INPP5A: variants seen among roughly 807,000 people sequenced by gnomAD.
The protein encoded by INPP5A is inositol polyphosphate-5-phosphatase A.
In INPP5A, 14 loss-of-function variants were observed where a neutral mutation model predicts 65.2. The ratio of observed to expected loss-of-function variants is 0.21; its 90% CI spans 0.14 to 0.34. INPP5A has a LOEUF of 0.34. INPP5A is among the 10% of genes least tolerant of loss of function. INPP5A has a pLI of 1.00. For synonymous variants in INPP5A, 207 were observed against 208.3 expected (o/e 0.99, Z 0.05); for missense variants, 431 against 545.6 (o/e 0.79, Z 2.09).
At chr10:132,739,840 T>C (rs1229410360) in intron 9 of INPP5A, among the ~76,000 whole-genome samples, 1 of 152,214 alleles carries the variant, frequency 6.6e-6, no homozygotes. Context: ...AGGCGTCTTC[T>C]AGGGTCTGAG....
At position 132,704,522 on chromosome 10, in the gene INPP5A, G is replaced by A. The variant is rs558598483; in HGVS notation, c.475-3791G>A. ...TGCGCAGAGCCACCCCTCGCAGCCC[G>A]CCGGCAACATGGGCTCTGTCCTCCC... On this transcript the variant is annotated intron_variant, in intron 6 of 15. Coordinates refer to ENST00000368594, the MANE Select transcript of INPP5A (RefSeq NM_005539.5). This position sits in a 1 kb window ranked among gnomAD's most constrained non-coding sequence, Gnocchi z 4.5. Among the ~76,000 whole-genome samples, 48 of 152,328 alleles carry A rather than the reference G, an allele frequency of 3.2e-4. No individual in the cohort carries two copies. The highest frequency in any genetic ancestry group is 9.9e-4 in the African/African-American group (41 of 41,574).
chr10:132,774,320 G>C (rs1349641870), intron 12 of INPP5A, among the ~76,000 whole-genome samples: 3 of 152,208 alleles, frequency 2.0e-5, no homozygotes, highest in Non-Finnish European at 4.4e-5. Context: ...TTTCTCTGTA[G>C]TGTGCTGCAC....
At chr10:132,749,884 G>GGAC (rs1326299564) in intron 11 of INPP5A, 39 bp downstream of exon 11, 2 of 1,553,776 alleles carry the variant, frequency 1.3e-6, no homozygotes, top group Admixed American at 3.3e-5. Flanking sequence ...CCCCGTCCTG[G>GGAC]GACATCCACG....
At chr10:132,767,373 G>A (rs1302092510) in intron 12 of INPP5A, among the ~76,000 whole-genome samples, 1 of 152,142 alleles carries the variant, frequency 6.6e-6, no homozygotes, top group Non-Finnish European at 1.5e-5. Flanking sequence ...AGGCTTTCCT[G>A]AAGCCAGAGG....
At chr10:132,552,085 C>G (rs1220671615) in intron 1 of INPP5A, among the ~76,000 whole-genome samples, 2 of 152,250 alleles carry the variant, frequency 1.3e-5, no homozygotes, top group Non-Finnish European at 2.9e-5. Flanking sequence ...ATTCTCAGAG[C>G]CTTGGTGAAG....
intron 3 of INPP5A, among the ~76,000 whole-genome samples, chr10:132,646,504 A>C (rs1220904961): frequency 6.6e-6 from 1 of 152,168 alleles, no homozygotes; most frequent in Non-Finnish European, 1.5e-5. Context: ...AGGAGTGGAC[A>C]GGAGCAGGCA....
intron 1 of INPP5A, among the ~76,000 whole-genome samples, chr10:132,597,000 T>A (rs1356659357): frequency 6.6e-6 from 1 of 150,980 alleles, no homozygotes; most frequent in East Asian, 2.0e-4. Context: ...CGTGTGTTTG[T>A]GTGCACGCTC....
rs1477129673 is a variant in INPP5A, at chr10:132,678,195, C to T, written c.307-12197C>T. Among the ~76,000 whole-genome samples, 1 of 152,158 alleles carries T rather than the reference C, an allele frequency of 6.6e-6. No individual in the cohort carries two copies. The highest frequency in any genetic ancestry group is 1.5e-5 in the Non-Finnish European group (1 of 68,040). On this transcript the variant is annotated intron_variant, in intron 4 of 15. Transcript: ENST00000368594. This position sits in a 1 kb window ranked among gnomAD's most constrained non-coding sequence, Gnocchi z 4.1. ...CTCTGAGAGCGGACGGTCACAGCCCCCCGTATGCTGCCTGGGGGTGGCACT... is the reference window on the plus strand; with the variant it reads ...CTCTGAGAGCGGACGGTCACAGCCCTCCGTATGCTGCCTGGGGGTGGCACT...
rs1198370018 is a variant in INPP5A, at chr10:132,549,327, C to T, written c.75+11156C>T. 2.6e-5 allele frequency among the ~76,000 whole-genome samples: 4 copies of T among 152,288 alleles called. No individual in the cohort carries two copies. Among genetic ancestry groups the T allele is most frequent in the South Asian group, 2.1e-4 (1 of 4,820 alleles). On this transcript the variant is annotated intron_variant, in intron 1 of 15. Transcript: ENST00000368594. This position sits in a 1 kb window ranked among gnomAD's most constrained non-coding sequence, Gnocchi z 4.9. ...CATAGTTGCTGCCCCATTCGTGCCC[C>T]GTCGAGTGGTGTGGAAGGACTCTAG...
chr10:132,587,391 C>A lies in INPP5A; in HGVS notation c.76-20524C>A, dbSNP rs777142431. Reference sequence around the variant, plus strand: ...CCTGCTTCTGCTGCTGCCAGCACAGCCCATGGTGTGCTCTGTGGGGCTGGC... The same window carrying A: ...CCTGCTTCTGCTGCTGCCAGCACAGACCATGGTGTGCTCTGTGGGGCTGGC... On this transcript the variant is annotated intron_variant, in intron 1 of 15. Coordinates refer to ENST00000368594, the MANE Select transcript of INPP5A (RefSeq NM_005539.5). This position sits in a 1 kb window ranked among gnomAD's most constrained non-coding sequence, Gnocchi z 4.3. Among the ~76,000 whole-genome samples the A allele has an allele frequency of 2.0e-4, 30 of 152,178 alleles. No individual in the cohort carries two copies. Among genetic ancestry groups the A allele is most frequent in the Admixed American group, 8.5e-4 (13 of 15,280 alleles).
Position 132,691,802 on chromosome 10 carries a change from TGGGAGACGTGCGGTCGC to T in INPP5A, c.370+1358_370+1374del, listed in dbSNP as rs1177786814. Among the ~76,000 whole-genome samples the T allele has an allele frequency of 2.0e-5, 3 of 147,480 alleles. No individual in the cohort carries two copies. In the East Asian group the frequency reaches 6.0e-4, roughly 30 times the overall value. ...TGTGGACGCGGGAGACGTGTGGACA[TGGGAGACGTGCGGTCGC>T]GGGAGACGTGTGGTCGCGGGAGACG... On this transcript the variant is annotated intron_variant, in intron 5 of 15. Coordinates refer to ENST00000368594, the MANE Select transcript of INPP5A (RefSeq NM_005539.5).
intron 5 of INPP5A, among the ~76,000 whole-genome samples, chr10:132,695,209 G>A (rs916196388): frequency 2.0e-5 from 3 of 151,910 alleles, no homozygotes; most frequent in Non-Finnish European, 2.9e-5. Context: ...ATCAATTAAT[G>A]TAATCCATCA....
chr10:132,773,326 A>G (rs1846989001), intron 12 of INPP5A, among the ~76,000 whole-genome samples: 1 of 152,246 alleles, frequency 6.6e-6, no homozygotes, highest in East Asian at 1.9e-4. Flanking sequence ...TGGGAGAGGG[A>G]TGTTTTCATT....
Position 132,667,791 on chromosome 10 carries a change from G to A in INPP5A, c.306+17286G>A, listed in dbSNP as rs183742293. Among the ~76,000 whole-genome samples the A allele has an allele frequency of 5.3e-5, 8 of 152,296 alleles. No homozygotes were observed. The East Asian group carries it at 7.7e-4, about 15-fold the overall frequency. ...CAGGGGGCCGTGTGCGCTGCCCGGC[G>A]CGAGCCGGAAGAGGGATGATATTTC... On this transcript the variant is annotated intron_variant, in intron 4 of 15. Coordinates refer to ENST00000368594, the MANE Select transcript of INPP5A (RefSeq NM_005539.5).
At chr10:132,608,221 T>C (rs900834980) in intron 2 of INPP5A, among the ~76,000 whole-genome samples, 5 of 152,334 alleles carry the variant, frequency 3.3e-5, no homozygotes, top group African/African-American at 1.2e-4. Flanking sequence ...CCCGCGGGGT[T>C]CAGAGAATCA....
rs1049847126 is a variant in INPP5A at position 132,727,563 on chromosome 10, C to T, written c.732+658C>T. Among the ~76,000 whole-genome samples, 6 of 152,114 alleles carry T rather than the reference C, an allele frequency of 3.9e-5. No homozygotes were observed. The highest frequency in any genetic ancestry group is 8.8e-5 in the Non-Finnish European group (6 of 68,018). On this transcript the variant is annotated intron_variant, in intron 9 of 15. Coordinates refer to ENST00000368594, the MANE Select transcript of INPP5A (RefSeq NM_005539.5). The surrounding 1 kb of genome is among the most constrained non-coding windows in gnomAD (Gnocchi z 6.5). The stretch of plus-strand genomic sequence containing the variant: ...CGATGTTTCTCTGTGGTCCAGTCCA[C>T]GCTGGCTGTGGGTCCTCCCTCCCAG...
chr10:132,593,686 T>C (rs1034081124), intron 1 of INPP5A, among the ~76,000 whole-genome samples: 2 of 152,232 alleles, frequency 1.3e-5, no homozygotes, highest in African/African-American at 4.8e-5. Flanking sequence ...CCTCTATAGC[T>C]AAGATGTATT....
intron 8 of INPP5A, among the ~76,000 whole-genome samples, chr10:132,719,770 G>A (rs1483306621): frequency 6.7e-5 from 10 of 149,510 alleles, no homozygotes; most frequent in African/African-American, 2.0e-4. Flanking sequence ...CTTTCTGTGT[G>A]CCTTAGACGG....
chr10:132,685,440 T>C (rs533000765), intron 4 of INPP5A, among the ~76,000 whole-genome samples: 2 of 152,380 alleles, frequency 1.3e-5, no homozygotes, highest in African/African-American at 2.4e-5. Context: ...TGTGTGCTCA[T>C]GTGCGTCCCT....
Sources: gnomAD v4.1 joint callset for allele counts (sites outside exome capture counted in the v4.1 genomes callset) on GRCh38, gnomAD v4.1.1 for gene constraint, Gnocchi (gnomAD v3.1) non-coding constraint, MANE v1.5 for transcripts, NCBI Gene and HGNC (gene_info 2026-07-23, HGNC 2026-07-21) for gene names.